Variants in BACH1 observed in about 807,000 individuals in gnomAD.
BACH1 encodes BTB domain and CNC homolog 1.
BACH1 carries 35 observed loss-of-function variants against 52.9 expected under a neutral mutation model. The ratio of observed to expected loss-of-function variants is 0.66; its 90% CI spans 0.51 to 0.88. BACH1 has a LOEUF of 0.88. Among genes scored for constraint, BACH1 ranks in the 40% least tolerant of loss-of-function variants. BACH1 has a pLI of 0.00. For missense variants in BACH1, 808 were observed against 872.6 expected (o/e 0.93, Z 0.93); for synonymous variants, 321 against 319.6 (o/e 1.00, Z -0.05).
At chr21:29,350,533 T>G (rs1222946462), downstream of BACH1, among the ~76,000 whole-genome samples, 1 of 152,170 alleles carries the variant, frequency 6.6e-6, no homozygotes, top group East Asian at 1.9e-4. Context: ...TTGGTTTCCA[T>G]GAAGGGAGAT....
chr21:29,336,687 CAG>C (rs1045937572), intron 4 of BACH1, among the ~76,000 whole-genome samples: 3 of 151,132 alleles, frequency 2.0e-5, no homozygotes, highest in African/African-American at 7.3e-5. Context: ...TTTTTTGAAA[CAG>C]AGTCTCACTC....
At chr21:29,324,026 C>G (rs1397214051) in intron 2 of BACH1, among the ~76,000 whole-genome samples, 5 of 151,994 alleles carry the variant, frequency 3.3e-5, no homozygotes, top group Non-Finnish European at 5.9e-5. Context: ...GCGAGGCAGG[C>G]AGATCACCTG....
chr21:29,338,736 T>TA (rs2089074980), intron 4 of BACH1, among the ~76,000 whole-genome samples: 1 of 152,196 alleles, frequency 6.6e-6, no homozygotes, highest in Admixed American at 6.5e-5. Flanking sequence ...AACTATATTT[T>TA]AAAAAATATA....
At chr21:29,310,901 G>A (rs2088713716) in intron 1 of BACH1, among the ~76,000 whole-genome samples, 1 of 152,182 alleles carries the variant, frequency 6.6e-6, no homozygotes, top group South Asian at 2.1e-4. Flanking sequence ...TTCAGTACAG[G>A]AGAGCAAAGA....
intron 1 of BACH1, among the ~76,000 whole-genome samples, chr21:29,314,722 C>G (rs1393158716): frequency 6.6e-6 from 1 of 152,010 alleles, no homozygotes; most frequent in Non-Finnish European, 1.5e-5. Flanking sequence ...CTGCTACTTA[C>G]CTTAGTTCAA....
chr21:29,313,440 G>A (rs952765678), intron 1 of BACH1, among the ~76,000 whole-genome samples: 13 of 152,192 alleles, frequency 8.5e-5, no homozygotes, highest in African/African-American at 3.1e-4. Context: ...CTACTCCTAG[G>A]TGTTTACCCA....
intron 2 of BACH1, among the ~76,000 whole-genome samples, chr21:29,354,373 G>GT (rs1289110063): frequency 1.3e-5 from 2 of 152,178 alleles, no homozygotes; most frequent in Non-Finnish European, 2.9e-5. Context: ...TCAGTCCTGT[G>GT]TTTCACAGTT....
intron 1 of BACH1, among the ~76,000 whole-genome samples, chr21:29,320,181 A>G (rs1376574690): frequency 6.6e-6 from 1 of 152,208 alleles, no homozygotes; most frequent in African/African-American, 2.4e-5. Context: ...AAGGCTTCCC[A>G]TGTGTCAGGA....
At chr21:29,312,294 C>A (rs2088734247) in intron 1 of BACH1, among the ~76,000 whole-genome samples, 1 of 152,176 alleles carries the variant, frequency 6.6e-6, no homozygotes, top group Admixed American at 6.6e-5. Flanking sequence ...ATTGCACCCG[C>A]CTCTCTGCCC....
rs761501608 is a variant in BACH1 at position 29,342,428 on chromosome 21, A to G, written c.1806A>G (p.Glu602=). 1 of 1,613,876 alleles carries G rather than the reference A, an allele frequency of 6.2e-7. No homozygotes were observed. The highest frequency in any genetic ancestry group is 8.5e-7 in the Non-Finnish European group (1 of 1,179,834). ...GTGAAAAGGAGAGCTTGTTGAAGGA[A>G]AGAGATCACATTTTGTCAACTCTGG... ...LQSEKESLLK[E]RDHILSTLGE... The change falls in exon 5 of 5, where the codon GAA becomes GAG. Residue 602 remains glutamate (E), a synonymous_variant. Coordinates refer to ENST00000286800, the MANE Select transcript of BACH1 (RefSeq NM_001186.4).
intron 4 of BACH1, among the ~76,000 whole-genome samples, chr21:29,340,974 A>G (rs1399764783): frequency 6.6e-6 from 1 of 151,860 alleles, no homozygotes; most frequent in Non-Finnish European, 1.5e-5. Context: ...TCTATTTAAA[A>G]AAAAAAAAAA....
Position 29,326,164 on chromosome 21 carries a change from A to G in BACH1, c.340A>G (p.Ser114Gly). The change falls in exon 3 of 5, where the codon AGT becomes GGT. Residue 114 changes from serine (S) to glycine (G), a missense_variant. Physicochemically the swap from Ser to Gly is moderately conservative, Grantham distance 56. Transcript: ENST00000286800. ...DEVCKCVEFL[S>G]VHNIEESCFQ... ...AGTGTGCAAATGTGTGGAGTTTTTA[A>G]GTGTACATAATATTGAGGAATCCTG... 6.2e-7 allele frequency: 1 copy of G among 1,614,178 alleles called. No individual in the cohort carries two copies. The highest frequency in any genetic ancestry group is 8.5e-7 in the Non-Finnish European group (1 of 1,180,024).
chr21:29,357,744 C>T (rs962661123), intron 2 of BACH1, among the ~76,000 whole-genome samples: 2 of 152,182 alleles, frequency 1.3e-5, no homozygotes, highest in Non-Finnish European at 2.9e-5. Context: ...AAGAGCCATC[C>T]TTGCTCTCTC....
intron 1 of BACH1, among the ~76,000 whole-genome samples, chr21:29,301,492 A>G (rs1569004622): frequency 6.6e-6 from 1 of 152,154 alleles, no homozygotes; most frequent in East Asian, 1.9e-4. Context: ...GTTTTATTTT[A>G]TAGGTAGTTC....
At chr21:29,352,220 A>C (rs1384264012) in intron 2 of BACH1, among the ~76,000 whole-genome samples, 1 of 151,930 alleles carries the variant, frequency 6.6e-6, no homozygotes, top group East Asian at 1.9e-4. Flanking sequence ...ACACCTGGCT[A>C]ATTTTTCTAT....
At chr21:29,331,311 C>T (rs2088979358) in intron 4 of BACH1, among the ~76,000 whole-genome samples, 1 of 152,096 alleles carries the variant, frequency 6.6e-6, no homozygotes, top group Non-Finnish European at 1.5e-5. Context: ...TTCTCGTCTG[C>T]CAGCTATAAT....
At chr21:29,308,943 C>G (rs1380041827) in intron 1 of BACH1, among the ~76,000 whole-genome samples, 1 of 152,104 alleles carries the variant, frequency 6.6e-6, no homozygotes, top group Non-Finnish European at 1.5e-5. Context: ...GTTATATGAT[C>G]TAGTGAGTGT....
At chr21:29,324,556 TTGTGTGTGTGTGTGTGTGTGTGTGTGTG>T (rs59785894) in intron 2 of BACH1, among the ~76,000 whole-genome samples, 13 of 145,222 alleles carry the variant, frequency 9.0e-5, no homozygotes, top group African/African-American at 2.3e-4. Flanking sequence ...TGGATGTACC[TTGTGTGTGTGTGTGTGTGTGTGTGTGTG>T]TGTGTGTGTG....
At chr21:29,305,667 CTG>C (rs1308254440) in intron 1 of BACH1, among the ~76,000 whole-genome samples, 1 of 152,148 alleles carries the variant, frequency 6.6e-6, no homozygotes, top group Admixed American at 6.5e-5. Context: ...TGAGGAAAAA[CTG>C]TGTTTTTAAG....
Sources: allele counts gnomAD v4.1 joint callset (sites outside exome capture counted in the v4.1 genomes callset), GRCh38; gene constraint gnomAD v4.1.1; transcripts MANE v1.5; gene names NCBI Gene and HGNC (gene_info 2026-07-23, HGNC 2026-07-21).